Variants in FAM98B observed in about 807,000 individuals in gnomAD.
The protein encoded by FAM98B is tRNA splicing ligase complex subunit 3B.
In FAM98B, 32 loss-of-function variants were observed where a neutral mutation model predicts 43.9. The ratio of observed to expected loss-of-function variants is 0.73; its 90% CI spans 0.55 to 0.98. The LOEUF (loss-of-function observed/expected upper bound fraction) is 0.98. Ranked by LOEUF, FAM98B falls within the 50% of genes least tolerant of loss-of-function variation. The pLI, the probability that FAM98B is intolerant of heterozygous loss-of-function variation, is 0.00. For missense variants in FAM98B, 514 were observed against 522.9 expected (o/e 0.98, Z 0.17); for synonymous variants, 190 against 174.0 (o/e 1.09, Z -0.72).
chr15:38,459,661 T>C, intron 1 of FAM98B: 1 of 189,930 alleles, frequency 5.3e-6, no homozygotes, highest in Admixed American at 6.2e-5. Context: ...CCCACAGCTG[T>C]TTACATACCC....
chr15:38,460,749 T>C (rs981447332), intron 1 of FAM98B, among the ~76,000 whole-genome samples: 2 of 152,166 alleles, frequency 1.3e-5, no homozygotes, highest in African/African-American at 4.8e-5. Flanking sequence ...TGGAGGTAGG[T>C]TGTGTGGCTC....
rs755206687 is a variant in FAM98B, at chr15:38,473,601, T to C, written c.612+16T>C. The C allele has an allele frequency of 6.3e-7, 1 of 1,591,508 alleles. No individual in the cohort carries two copies. The highest frequency in any genetic ancestry group is 8.6e-7 in the Non-Finnish European group (1 of 1,167,844). On this transcript the variant is annotated intron_variant, in intron 5 of 7. Transcript: ENST00000397609. ...AGAACAGGCGGTAAATCCCCCTTTTTGTTATTAGTTTTATGTAATTACATT... is the reference window on the plus strand; with the variant it reads ...AGAACAGGCGGTAAATCCCCCTTTTCGTTATTAGTTTTATGTAATTACATT...
intron 4 of FAM98B, among the ~76,000 whole-genome samples, chr15:38,471,281 C>G (rs1890127509): frequency 6.6e-6 from 1 of 151,918 alleles, no homozygotes; most frequent in African/African-American, 2.4e-5. Flanking sequence ...AAGATAAAAA[C>G]AGAATATTAA....
chr15:38,470,489 A>G, intron 4 of FAM98B, 84 bp downstream of exon 4: 1 of 1,227,996 alleles, frequency 8.1e-7, no homozygotes. Flanking sequence ...TATTCCCTAT[A>G]ATTATGAGGT....
At chr15:38,481,222 A>T (rs1001254343) in intron 6 of FAM98B, 70 bp from the exon 7 acceptor site, 151 of 1,334,666 alleles carry the variant, frequency 1.1e-4, no homozygotes, top group Admixed American at 5.7e-5. Flanking sequence ...ATTTCTAAAG[A>T]TTATGATTGT....
At chr15:38,462,338 T>C (rs1481720486) in intron 1 of FAM98B, among the ~76,000 whole-genome samples, 1 of 152,154 alleles carries the variant, frequency 6.6e-6, no homozygotes, top group African/African-American at 2.4e-5. Context: ...AAACTAGATT[T>C]TTCTGATGCA....
intron 3 of FAM98B, among the ~76,000 whole-genome samples, chr15:38,466,888 A>C (rs1890042320): frequency 6.6e-6 from 1 of 152,058 alleles, no homozygotes. Context: ...TCACACTCGC[A>C]CTCACTCTTA....
intron 3 of FAM98B, 54 bp from the exon 4 acceptor site, chr15:38,470,172 AT>A: frequency 7.9e-7 from 1 of 1,259,702 alleles, no homozygotes; most frequent in East Asian, 2.7e-5. Flanking sequence ...TCAGTGAAAT[AT>A]TTCAAGAGAT....
At position 38,470,378 on chromosome 15, in the gene FAM98B, G is replaced by A. The variant is rs771247352; in HGVS notation, c.504G>A (p.Pro168=). 10 of 1,598,588 alleles carry A rather than the reference G, an allele frequency of 6.3e-6. No individual in the cohort carries two copies. Among genetic ancestry groups the A allele is most frequent in the East Asian group, 2.2e-5 (1 of 44,470 alleles). ...GIPKSTTSDI[P]HMLNQVESKV... ...CCAAGTCAACAACTTCTGACATTCC[G>A]CATATGCTAAACCAAGTGGAATCAA... Residue 168 remains proline, a synonymous_variant, in exon 4 of 8, where the codon CCG becomes CCA. Transcript: ENST00000397609.
At chr15:38,464,287 C>A in intron 2 of FAM98B, 110 bp downstream of exon 2, 3 of 1,043,322 alleles carry the variant, frequency 2.9e-6, no homozygotes, top group Non-Finnish European at 3.8e-6. Context: ...TCACATATTC[C>A]AAAGAATTTC....
In FAM98B at chr15:38,470,349, A is replaced by G. The variant is rs779427635; in HGVS notation, c.475A>G (p.Ile159Val). 42 of 1,605,968 alleles carry G rather than the reference A, an allele frequency of 2.6e-5. No homozygotes were observed. The highest frequency in any genetic ancestry group is 3.5e-5 in the Non-Finnish European group (41 of 1,177,830). The change falls in exon 4 of 8, where the codon ATA becomes GTA. Residue 159 changes from isoleucine to valine, a missense_variant. Physicochemically the swap from Ile to Val is conservative, Grantham distance 29. Coordinates refer to ENST00000397609, the MANE Select transcript of FAM98B (RefSeq NM_173611.4). ...EVQAMFDTLG[I>V]PKSTTSDIPH... Reference sequence around the variant, plus strand: ...TCAAGCTATGTTTGATACACTTGGTATACCCAAGTCAACAACTTCTGACAT... The same window carrying G: ...TCAAGCTATGTTTGATACACTTGGTGTACCCAAGTCAACAACTTCTGACAT...
chr15:38,454,330 C>T (rs1489778506), intron 1 of FAM98B, 98 bp downstream of exon 1: 4 of 1,279,604 alleles, frequency 3.1e-6, no homozygotes, highest in African/African-American at 1.5e-5. Flanking sequence ...GCCTGGGCGG[C>T]CATGTGTAGG....
chr15:38,481,643 G>A (rs1890290134), intron 7 of FAM98B, 184 bp downstream of exon 7: 2 of 1,496,622 alleles, frequency 1.3e-6, no homozygotes, highest in Admixed American at 2.2e-5. Context: ...TTGAATTTGT[G>A]TATTCATAAA....
chr15:38,484,203 T>C (rs1815445670), intron 7 of FAM98B, 52 bp from the exon 8 acceptor site: 5 of 1,515,240 alleles, frequency 3.3e-6, no homozygotes, highest in Non-Finnish European at 4.5e-6. Flanking sequence ...GAAACTTTTA[T>C]GTAAACTTTT....
chr15:38,454,137 C>G lies in FAM98B; in HGVS notation c.-25C>G. ...AGTTTCCGGCGGGCTACTTAGAGCG[C>G]CGAACAGCTCTGGGCCAAAGGACCA... On this transcript the variant is annotated 5_prime_UTR_variant, in exon 1 of 8. Transcript: ENST00000397609. 6.3e-7 allele frequency: 1 copy of G among 1,582,346 alleles called. No individual in the cohort carries two copies. The highest frequency in any genetic ancestry group is 2.3e-5 in the East Asian group (1 of 43,870).
chr15:38,464,924 C>G (rs1361060028), intron 2 of FAM98B, among the ~76,000 whole-genome samples: 1 of 152,080 alleles, frequency 6.6e-6, no homozygotes, highest in Non-Finnish European at 1.5e-5. Context: ...TCACTTGACG[C>G]AAAGTAAACT....
intron 7 of FAM98B, chr15:38,481,751 CAGTA>C (rs1484813759): frequency 8.4e-6 from 7 of 829,484 alleles, no homozygotes; most frequent in South Asian, 1.9e-5. Flanking sequence ...CATTTTTTGT[CAGTA>C]AGAATCTTTC....
chr15:38,483,980 T>C (rs1034177450), intron 7 of FAM98B, among the ~76,000 whole-genome samples: 1 of 152,034 alleles, frequency 6.6e-6, no homozygotes, highest in African/African-American at 2.4e-5. Flanking sequence ...ATCCTCCTTG[T>C]AGCTATTTGA....
At chr15:38,467,728 G>A (rs1041797980) in intron 3 of FAM98B, among the ~76,000 whole-genome samples, 3 of 152,114 alleles carry the variant, frequency 2.0e-5, no homozygotes, top group African/African-American at 7.2e-5. Flanking sequence ...TGACATTGTA[G>A]TAATAAAAAG....
Sources: gnomAD v4.1 joint callset for allele counts (sites outside exome capture counted in the v4.1 genomes callset) on GRCh38, gnomAD v4.1.1 for gene constraint, MANE v1.5 for transcripts, NCBI Gene and HGNC (gene_info 2026-07-23, HGNC 2026-07-21) for gene names.